The following KALRN variants were observed in gnomAD, a reference collection of about 807,000 sequenced individuals.
KALRN encodes the protein kalirin.
Under a neutral mutation model 353.7 loss-of-function variants are expected in KALRN, and 70 were observed. That is an observed-to-expected ratio of 0.20 (90% confidence interval 0.16 to 0.24). The LOEUF is 0.24. Among genes scored for constraint, KALRN ranks in the 10% least tolerant of loss-of-function variants. KALRN has a pLI of 1.00. For missense variants in KALRN, 2,791 were observed against 3,756.7 expected, an observed-to-expected ratio of 0.74 and a Z score of 6.72; for synonymous variants, 1,391 against 1,434.8, an observed-to-expected ratio of 0.97 and a Z score of 0.69.
intron 33 of KALRN, among the ~76,000 whole-genome samples, chr3:124,557,201 T>C (rs930482853): frequency 2.6e-5 from 4 of 152,228 alleles, no homozygotes; most frequent in African/African-American, 7.2e-5. Flanking sequence ...TAGTACCCAA[T>C]AGGTAGCTTT....
At position 124,725,091 on chromosome 3, in the gene KALRN, G is replaced by A. The variant is rs1027833759; in HGVS notation, c.*5621G>A. 1 of 152,184 alleles carries A rather than the reference G, an allele frequency of 6.6e-6. No individual in the cohort carries two copies. Among genetic ancestry groups the A allele is most frequent in the Admixed American group, 6.5e-5 (1 of 15,270 alleles). The allele number at this position is 152,184 out of a possible 1,614,324, so 9.4% of individuals were successfully genotyped here. A position where few individuals can be genotyped will look rare whatever the true frequency, so the allele number is the denominator to read the frequency against. On this transcript the variant is annotated 3_prime_UTR_variant, in exon 60 of 60. Transcript: ENST00000682506. ...AGGCTTAGTTTAACCAAGCTAATTT[G>A]TTGGCCCAGGGATGGCCATCATATG...
At chr3:124,621,699 C>A (rs2079288819) in intron 34 of KALRN, among the ~76,000 whole-genome samples, 2 of 152,212 alleles carry the variant, frequency 1.3e-5, no homozygotes, top group Non-Finnish European at 2.9e-5. Context: ...CTAAGTGGCC[C>A]AGGCACCAAG....
intron 26 of KALRN, among the ~76,000 whole-genome samples, chr3:124,476,684 T>C (rs1353501455): frequency 6.6e-6 from 1 of 152,112 alleles, no homozygotes; most frequent in Non-Finnish European, 1.5e-5. Context: ...TTAGGAACCA[T>C]TGTTTAGCCT....
intron 33 of KALRN, among the ~76,000 whole-genome samples, chr3:124,540,475 T>C (rs765968755): frequency 3.3e-5 from 5 of 152,180 alleles, no homozygotes; most frequent in African/African-American, 4.8e-5. Flanking sequence ...ATGGTTACCA[T>C]AGGTGTAAGG....
At chr3:124,430,490 A>G (rs1246695400) in intron 15 of KALRN, among the ~76,000 whole-genome samples, 166 bp from the exon 16 acceptor site, 1 of 152,180 alleles carries the variant, frequency 6.6e-6, no homozygotes, top group Non-Finnish European at 1.5e-5. Context: ...GGTACTCTGT[A>G]TGATTGGGGA....
Position 124,694,448 on chromosome 3 carries a change from G to A in KALRN, c.7522G>A (p.Asp2508Asn), listed in dbSNP as rs1280921143. 4 of 1,614,058 alleles carry A rather than the reference G, an allele frequency of 2.5e-6. No homozygotes were observed. The African/African-American group carries it at 5.3e-5, about 22-fold the overall frequency. The change falls in exon 53 of 60, where the codon GAC (aspartate) becomes AAC (asparagine). Residue 2508 changes from aspartate (D) to asparagine (N), a missense_variant. Asp to Asn is a conservative substitution (Grantham distance 23). Around this residue, in one of 11 missense-constraint regions of KALRN, gnomAD observed 1,065 missense variants for 1,156.4 expected, o/e 0.92. Coordinates refer to ENST00000682506, the MANE Select transcript of KALRN (RefSeq NM_001388419.1). ...PKPTITWKGP[D>N]QNILDTDNSS... Reference sequence around the variant, plus strand: ...GCCCACCATCACTTGGAAGGGTCCAGACCAGAACATCCTTGACACTGATAA... The same window carrying A: ...GCCCACCATCACTTGGAAGGGTCCAAACCAGAACATCCTTGACACTGATAA...
Position 124,637,298 on chromosome 3 carries a change from A to G in KALRN, c.5659A>G (p.Lys1887Glu), listed in dbSNP as rs1482437325. ...VNAIEKLVKN[K>E]LSLEGSSYRG... The stretch of plus-strand genomic sequence containing the variant: ...TGCAATAGAAAAGTTGGTCAAAAAC[A>G]AGCTGGTAAGTGGGGGTCCTGGAGG... Residue 1887 changes from lysine (K) to glutamate (E), a missense_variant, in exon 37 of 60, where the codon AAG becomes GAG. By Grantham distance (56) the Lys-to-Glu change is moderately conservative (BLOSUM62 1). Coordinates refer to ENST00000682506, the MANE Select transcript of KALRN (RefSeq NM_001388419.1). The G allele has an allele frequency of 3.7e-6, 6 of 1,613,478 alleles. No homozygotes were observed. The highest frequency in any genetic ancestry group is 1.1e-5 in the South Asian group (1 of 91,062).
intron 11 of KALRN, among the ~76,000 whole-genome samples, chr3:124,385,956 A>G (rs900472603): frequency 3.4e-5 from 5 of 145,804 alleles, no homozygotes; most frequent in Non-Finnish European, 6.0e-5. Flanking sequence ...GCTGCTCAGG[A>G]AAAAAAAAAT....
rs147621140 is a variant in KALRN at position 124,193,858 on chromosome 3, A to G, written c.74-34132A>G. 2.6e-4 allele frequency among the ~76,000 whole-genome samples: 39 copies of G among 152,254 alleles called. No homozygotes were observed. In the East Asian group the frequency reaches 7.1e-3, roughly 28 times the overall value. On this transcript the variant is annotated intron_variant, in intron 1 of 59. Transcript: ENST00000682506. ...TGCATCCAGTCTCTTTTAGCTTGACATTTTATCATAAGCATTTCCCTATTT... is the reference window on the plus strand; with the variant it reads ...TGCATCCAGTCTCTTTTAGCTTGACGTTTTATCATAAGCATTTCCCTATTT...
At chr3:124,111,818 T>C (rs529498063) in intron 1 of KALRN, among the ~76,000 whole-genome samples, 1 of 152,310 alleles carries the variant, frequency 6.6e-6, no homozygotes, top group Non-Finnish European at 1.5e-5. Flanking sequence ...AAAAGATATA[T>C]AGCAGGAAGA....
intron 33 of KALRN, among the ~76,000 whole-genome samples, chr3:124,520,338 A>G (rs1310695105): frequency 1.3e-5 from 2 of 152,222 alleles, no homozygotes; most frequent in African/African-American, 2.4e-5. Context: ...ATATCAAGCT[A>G]TAGCAATTTA....
intron 1 of KALRN, among the ~76,000 whole-genome samples, chr3:124,116,168 C>A (rs774210341): frequency 6.6e-6 from 1 of 152,176 alleles, no homozygotes; most frequent in Non-Finnish European, 1.5e-5. Flanking sequence ...TCTCTTTGGT[C>A]ATGGCTAGAG....
chr3:124,456,530 C>T (rs142070323), intron 22 of KALRN, 80 bp from the exon 23 acceptor site: 2 of 952,022 alleles, frequency 2.1e-6, no homozygotes, highest in Admixed American at 2.0e-5. Flanking sequence ...TTTTTTCCCC[C>T]TTTTACCACC....
intron 34 of KALRN, among the ~76,000 whole-genome samples, chr3:124,586,164 G>A (rs2075158751): frequency 1.3e-5 from 2 of 152,174 alleles, no homozygotes; most frequent in African/African-American, 4.8e-5. Flanking sequence ...AGGAATGTGA[G>A]GGGCCAGGGA....
intron 34 of KALRN, among the ~76,000 whole-genome samples, chr3:124,591,940 A>G (rs748849280): frequency 6.6e-6 from 1 of 152,202 alleles, no homozygotes; most frequent in Non-Finnish European, 1.5e-5. Flanking sequence ...TTAGACCAAT[A>G]AAAAACCACA....
At chr3:124,565,616 A>G (rs2072708105) in intron 34 of KALRN, among the ~76,000 whole-genome samples, 1 of 152,236 alleles carries the variant, frequency 6.6e-6, no homozygotes, top group Non-Finnish European at 1.5e-5. Flanking sequence ...TTTGCCGCAA[A>G]AGGCTAACGT....
intron 1 of KALRN, among the ~76,000 whole-genome samples, chr3:124,139,577 G>C (rs1438032577): frequency 6.6e-6 from 1 of 152,182 alleles, no homozygotes. Flanking sequence ...TTTGTACAGA[G>C]AGGAGAGAGG....
chr3:124,509,808 C>T lies in KALRN; in HGVS notation c.4935+13395C>T, dbSNP rs530497328. Among the ~76,000 whole-genome samples the T allele has an allele frequency of 1.3e-5, 2 of 152,282 alleles. 1 individual carries two copies. Among genetic ancestry groups the T allele is most frequent in the African/African-American group, 4.8e-5 (2 of 41,572 alleles). ...CTAGGAAGAAACTAGCAAAACTAAA[C>T]ATCTGTTGCTCACAGGAAAGCCTTT... On this transcript the variant is annotated intron_variant, in intron 33 of 59. Coordinates refer to ENST00000682506, the MANE Select transcript of KALRN (RefSeq NM_001388419.1).
chr3:124,355,709 C>CTTTTTTTTTTTTTTTTTTTT lies in KALRN; in HGVS notation c.1770+8449_1770+8468dup, dbSNP rs3055894. ...TTAAACACCCTCAACTCTCTCCCATCTTTTTTTTTTTTTTTTTTTTTTTTG... is the reference window on the plus strand; with the variant it reads ...TTAAACACCCTCAACTCTCTCCCATCTTTTTTTTTTTTTTTTTTTTTTTTTTTTTTTTTTTTTTTTTTTTG... On this transcript the variant is annotated intron_variant, in intron 10 of 59. Coordinates refer to ENST00000682506, the MANE Select transcript of KALRN (RefSeq NM_001388419.1). 2.1e-5 allele frequency among the ~76,000 whole-genome samples: 2 copies of CTTTTTTTTTTTTTTTTTTTT among 97,412 alleles called. 1 individual carries two copies. The highest frequency in any genetic ancestry group is 8.1e-5 in the African/African-American group (2 of 24,760). The allele number at this position is 97,412 out of a possible 152,430, so 63.9% of individuals were successfully genotyped here.
Sources: allele counts gnomAD v4.1 joint callset (sites outside exome capture counted in the v4.1 genomes callset), GRCh38; gene constraint gnomAD v4.1.1; regional missense constraint gnomAD v4.1.1; transcripts MANE v1.5; gene names NCBI Gene and HGNC (gene_info 2026-07-23, HGNC 2026-07-21).